The following RFX1 variants were observed in gnomAD, a reference collection of about 807,000 sequenced individuals.
RFX1 encodes the protein MHC class II regulatory factor RFX1.
RFX1 carries 42 observed loss-of-function variants against 119.6 expected under a neutral mutation model. The ratio of observed to expected loss-of-function variants is 0.35; its 90% CI spans 0.27 to 0.45. The LOEUF is 0.45. Ranked by LOEUF, RFX1 falls within the 20% of genes least tolerant of loss-of-function variation. The pLI, the probability that RFX1 is intolerant of heterozygous loss-of-function variation, is 1.00. For synonymous variants in RFX1, 628 were observed against 618.5 expected (o/e 1.02, Z -0.23); for missense variants, 1,118 against 1,368.1 (o/e 0.82, Z 2.88).
chr19:14,005,380 TG>T (rs1975338518), intron 1 of RFX1, among the ~76,000 whole-genome samples: 1 of 152,000 alleles, frequency 6.6e-6, no homozygotes, highest in Non-Finnish European at 1.5e-5. Flanking sequence ...GGTTTAGGAG[TG>T]GGCTGCAGTG....
chr19:13,983,962 TC>T (rs1463011674), intron 2 of RFX1, among the ~76,000 whole-genome samples: 13 of 152,054 alleles, frequency 8.5e-5, no homozygotes, highest in Admixed American at 2.0e-4. Flanking sequence ...CACTCCAGGG[TC>T]CTGGCAGCGC....
chr19:13,965,720 G>T lies in RFX1; in HGVS notation c.2019C>A (p.Phe673Leu). ...PKAILVLLSKFEPVLQWTKHC... is the reference protein window; with the variant it reads ...PKAILVLLSKLEPVLQWTKHC... ...GCTTGGTCCATTGGAGCACGGGCTC[G>T]AACTTGGAGAGGAGCACCAGGATGG... The change falls in exon 15 of 21, where the codon TTC (phenylalanine) becomes TTA (leucine). Residue 673 changes from phenylalanine to leucine, a missense_variant. Physicochemically the swap from Phe to Leu is conservative, Grantham distance 22. Coordinates refer to ENST00000254325, the MANE Select transcript of RFX1 (RefSeq NM_002918.5). This position sits in a 1 kb window ranked among gnomAD's most constrained non-coding sequence, Gnocchi z 4.7. 6.2e-7 allele frequency: 1 copy of T among 1,613,910 alleles called. No individual in the cohort carries two copies. Among genetic ancestry groups the T allele is most frequent in the Non-Finnish European group, 8.5e-7 (1 of 1,179,992 alleles).
chr19:13,982,734 G>A (rs1974466765), intron 4 of RFX1, among the ~76,000 whole-genome samples: 1 of 152,172 alleles, frequency 6.6e-6, no homozygotes, highest in Admixed American at 6.5e-5. Context: ...ACCCTGGGAG[G>A]CGGAGGTTGC....
chr19:13,999,265 G>A lies in RFX1; in HGVS notation c.-52-5370C>T, dbSNP rs1975133841. On this transcript the variant is annotated intron_variant, in intron 1 of 20. Coordinates refer to ENST00000254325, the MANE Select transcript of RFX1 (RefSeq NM_002918.5). ...GGAATTACTTAACAAACTGTTCCTT[G>A]GCAATGAATCTGCCAAGAAAAGCAC... Among the ~76,000 whole-genome samples, 5 of 152,292 alleles carry A rather than the reference G, an allele frequency of 3.3e-5. No individual in the cohort carries two copies. In the South Asian group the frequency reaches 1.0e-3, roughly 32 times the overall value.
chr19:13,962,643 GACCC>G lies in RFX1; in HGVS notation c.*48_*51del. The G allele has an allele frequency of 7.6e-7, 1 of 1,320,834 alleles. No homozygotes were observed. Among genetic ancestry groups the G allele is most frequent in the Non-Finnish European group, 9.8e-7 (1 of 1,017,126 alleles). 81.8% of individuals were successfully genotyped at this position (1,320,834 alleles called of 1,614,324 possible). On this transcript the variant is annotated 3_prime_UTR_variant, in exon 21 of 21. Coordinates refer to ENST00000254325, the MANE Select transcript of RFX1 (RefSeq NM_002918.5). ...CCACGAAGCCACAGAAGCTTTGAGG[GACCC>G]TGGCGTGGAGGGGTGGCGGGGGCGG...
chr19:13,988,560 A>G (rs576069639), intron 2 of RFX1, among the ~76,000 whole-genome samples: 1 of 152,214 alleles, frequency 6.6e-6, no homozygotes, highest in Non-Finnish European at 1.5e-5. Flanking sequence ...ACAGTCAGCC[A>G]TGCAGGAGCT....
chr19:13,977,476 G>C (rs1221655364), intron 8 of RFX1, among the ~76,000 whole-genome samples: 1 of 151,496 alleles, frequency 6.6e-6, no homozygotes, highest in African/African-American at 2.4e-5. Context: ...GAGTACAGTG[G>C]CACGATCTCA....
rs926219924 is a variant in RFX1 at position 13,968,330 on chromosome 19, C to T, written c.1732+235G>A. Among the ~76,000 whole-genome samples, 9 of 152,168 alleles carry T rather than the reference C, an allele frequency of 5.9e-5. No individual in the cohort carries two copies. The highest frequency in any genetic ancestry group is 4.1e-4 in the South Asian group (2 of 4,828). Reference sequence around the variant, plus strand: ...GATTCACTGGGAAGCTCAGAACCCCCGAGAAATGCTTTGCATTGAAAGAAA... The same window carrying T: ...GATTCACTGGGAAGCTCAGAACCCCTGAGAAATGCTTTGCATTGAAAGAAA... On this transcript the variant is annotated intron_variant, in intron 12 of 20. Coordinates refer to ENST00000254325, the MANE Select transcript of RFX1 (RefSeq NM_002918.5). The surrounding 1 kb of genome is among the most constrained non-coding windows in gnomAD (Gnocchi z 5.5).
At position 13,982,297 on chromosome 19, in the gene RFX1, C is replaced by CAGCCCGTGCAGTTGCACCGA; in HGVS notation, c.514-70_514-69insTCGGTGCAACTGCACGGGCT. The CAGCCCGTGCAGTTGCACCGA allele has an allele frequency of 1.8e-5, 15 of 848,626 alleles. No homozygotes were observed. The African/African-American group carries it at 2.3e-4, about 13-fold the overall frequency. 52.6% of individuals were successfully genotyped at this position (848,626 alleles called of 1,614,324 possible). A position where few individuals can be genotyped will look rare whatever the true frequency, so the allele number is the denominator to read the frequency against. On this transcript the variant is annotated intron_variant, in intron 4 of 20. Coordinates refer to ENST00000254325, the MANE Select transcript of RFX1 (RefSeq NM_002918.5). The stretch of plus-strand genomic sequence containing the variant: ...CCCGTGCAGTTGCACCGAGCATCTG[C>CAGCCCGTGCAGTTGCACCGA]GCAGTGCCAGGTGACATTCTAAGTG...
intron 1 of RFX1, among the ~76,000 whole-genome samples, chr19:13,998,932 G>A (rs1975123340): frequency 6.6e-6 from 1 of 152,136 alleles, no homozygotes; most frequent in African/African-American, 2.4e-5. Flanking sequence ...CTTCCACTCA[G>A]GGGCAAGAAG....
In RFX1 at chr19:13,966,046, C is replaced by T. The variant is rs1331851024; in HGVS notation, c.1962-269G>A. 1.3e-5 allele frequency among the ~76,000 whole-genome samples: 2 copies of T among 152,214 alleles called. No homozygotes were observed. The highest frequency in any genetic ancestry group is 1.9e-4 in the East Asian group (1 of 5,164). ...GGGCACTCTGTGGCCCTGCCCCCAG[C>T]GTCAGAAGGGCACAGGTACCCCCGT... On this transcript the variant is annotated intron_variant, in intron 14 of 20. Coordinates refer to ENST00000254325, the MANE Select transcript of RFX1 (RefSeq NM_002918.5). This position sits in a 1 kb window ranked among gnomAD's most constrained non-coding sequence, Gnocchi z 6.3.
At chr19:13,992,682 G>C (rs1309074624) in intron 2 of RFX1, among the ~76,000 whole-genome samples, 2 of 152,182 alleles carry the variant, frequency 1.3e-5, no homozygotes, top group Non-Finnish European at 2.9e-5. Flanking sequence ...GAGGAGCTAT[G>C]ATGATCCCAT....
In RFX1 at chr19:13,972,904, T is replaced by C. The variant is rs1974131148; in HGVS notation, c.1153A>G (p.Ser385Gly). ...GASNSSGGGG[S>G]GGGGGGGGGG... ...CCCCCGCCGCCGCCGCCACCACCAC[T>C]GCCACCACCTCCGCTGCTGTTGCTG... The change falls in exon 9 of 21, where the codon AGT becomes GGT. Residue 385 changes from serine to glycine, a missense_variant. Ser to Gly is a moderately conservative substitution (Grantham distance 56). This residue lies in a region of RFX1 where 542 missense variants were observed against 602.7 expected (regional missense o/e 0.90). Coordinates refer to ENST00000254325, the MANE Select transcript of RFX1 (RefSeq NM_002918.5). 3.1e-6 allele frequency: 5 copies of C among 1,590,756 alleles called. No individual in the cohort carries two copies. The highest frequency in any genetic ancestry group is 1.7e-5 in the Admixed American group (1 of 59,010).
intron 1 of RFX1, 88 bp downstream of exon 1, chr19:14,006,015 C>G (rs902206970): frequency 6.6e-6 from 1 of 152,196 alleles, no homozygotes; most frequent in Non-Finnish European, 1.5e-5. Context: ...CGCCCCTTCC[C>G]CCCGGACTGT....
intron 8 of RFX1, among the ~76,000 whole-genome samples, chr19:13,973,759 G>A (rs1333123584): frequency 1.3e-5 from 2 of 152,068 alleles, no homozygotes; most frequent in African/African-American, 2.4e-5. Context: ...GCCTCCCAAG[G>A]AGCTGGGAAT....
rs1973807347 is a variant in RFX1, at chr19:13,963,933, G to A, written c.2286C>T (p.Arg762=). ...TSLNHLAQAA[R]AVLQNTAQIN... Reference sequence around the variant, plus strand: ...TCTGTGCGGTGTTCTGCAGCACAGCGCGCGCCGCCTGCGCCAGGTGGTTGA... The same window carrying A: ...TCTGTGCGGTGTTCTGCAGCACAGCACGCGCCGCCTGCGCCAGGTGGTTGA... The change falls in exon 17 of 21, where the codon CGC becomes CGT. Residue 762 remains arginine, a synonymous_variant. Transcript: ENST00000254325. 2 of 1,546,904 alleles carry A rather than the reference G, an allele frequency of 1.3e-6. No individual in the cohort carries two copies.
Position 13,969,680 on chromosome 19 carries a change from G to A in RFX1, c.1496+314C>T, listed in dbSNP as rs31604. On this transcript the variant is annotated intron_variant, in intron 10 of 20. Coordinates refer to ENST00000254325, the MANE Select transcript of RFX1 (RefSeq NM_002918.5). This position sits in a 1 kb window ranked among gnomAD's most constrained non-coding sequence, Gnocchi z 4.5. Reference sequence around the variant, plus strand: ...GTCTCCAAAAAAAAAAAAAAGTCACGTGTGAGCGTGCTGAATGCTAAAGAG... The same window carrying A: ...GTCTCCAAAAAAAAAAAAAAGTCACATGTGAGCGTGCTGAATGCTAAAGAG... 0.088 allele frequency: 23,527 copies of A among 267,364 alleles called. 1,608 individuals are homozygous for A. Among genetic ancestry groups the A allele is most frequent in the Non-Finnish European group, 0.12 (17,141 of 139,528 alleles). The allele number at this position is 267,364 out of a possible 1,614,324, so 16.6% of individuals were successfully genotyped here.
chr19:13,994,922 ATATATAT>A (rs1568481452), intron 1 of RFX1, among the ~76,000 whole-genome samples: 72 of 99,468 alleles, frequency 7.2e-4, no homozygotes, highest in African/African-American at 2.5e-3. Flanking sequence ...ATATATATAT[ATATATAT>A]ATATATATAA....
chr19:13,980,731 T>TGCATCCACTCTGGGGTGGGCTC lies in RFX1; in HGVS notation c.622-43_622-42insGAGCCCACCCCAGAGTGGATGC. 4.2e-6 allele frequency: 5 copies of TGCATCCACTCTGGGGTGGGCTC among 1,201,550 alleles called. No individual in the cohort carries two copies. Among genetic ancestry groups the TGCATCCACTCTGGGGTGGGCTC allele is most frequent in the South Asian group, 1.3e-5 (1 of 74,566 alleles). 74.4% of individuals were successfully genotyped at this position (1,201,550 alleles called of 1,614,324 possible). Reference sequence around the variant, plus strand: ...CACAGGAGTGCCGCTGGGGTGGGCTTGCATCCTCTCTGAGGTGGGCTCACA... The same window carrying TGCATCCACTCTGGGGTGGGCTC: ...CACAGGAGTGCCGCTGGGGTGGGCTTGCATCCACTCTGGGGTGGGCTCGCATCCTCTCTGAGGTGGGCTCACA... On this transcript the variant is annotated intron_variant, in intron 5 of 20. Transcript: ENST00000254325. The surrounding 1 kb of genome is among the most constrained non-coding windows in gnomAD (Gnocchi z 5.1).
Sources: allele counts gnomAD v4.1 joint callset (sites outside exome capture counted in the v4.1 genomes callset), GRCh38; gene constraint gnomAD v4.1.1; regional missense constraint gnomAD v4.1.1; non-coding constraint Gnocchi (gnomAD v3.1); transcripts MANE v1.5; gene names NCBI Gene and HGNC (gene_info 2026-07-23, HGNC 2026-07-21).